Variants in SPATA21 observed in about 807,000 individuals in gnomAD.
SPATA21 encodes the protein spermatogenesis-associated protein 21.
A neutral mutation model predicts 54.8 loss-of-function variants in SPATA21; 47 were observed. The ratio of observed to expected loss-of-function variants is 0.86; its 90% CI spans 0.68 to 1.09. The LOEUF (loss-of-function observed/expected upper bound fraction) is 1.09. Ranked by LOEUF, SPATA21 falls within the 50% of genes least tolerant of loss-of-function variation. The pLI, the probability that SPATA21 is intolerant of heterozygous loss-of-function variation, is 0.00. For synonymous variants in SPATA21, 245 were observed against 235.3 expected (o/e 1.04, Z -0.38); for missense variants, 599 against 596.4 (o/e 1.00, Z -0.05).
At chr1:16,405,185 C>A in intron 7 of SPATA21, 81 bp from the exon 8 acceptor site, 1 of 1,524,418 alleles carries the variant, frequency 6.6e-7, no homozygotes, top group Non-Finnish European at 8.7e-7. Flanking sequence ...CACCCTCCTG[C>A]CAGCCTCCTC....
At chr1:16,407,610 C>A (rs2085684971) in intron 7 of SPATA21, among the ~76,000 whole-genome samples, 1 of 152,038 alleles carries the variant, frequency 6.6e-6, no homozygotes, top group South Asian at 2.1e-4. Flanking sequence ...CAGGTGCCCA[C>A]CACCACACCG....
intron 10 of SPATA21, among the ~76,000 whole-genome samples, chr1:16,403,165 G>A (rs554426668): frequency 1.3e-5 from 2 of 152,134 alleles, no homozygotes; most frequent in African/African-American, 4.8e-5. Context: ...CTGGAGACAC[G>A]TGGAGGCTTT....
At position 16,431,187 on chromosome 1, in the gene SPATA21, A is replaced by C. The variant is rs570471311; in HGVS notation, c.34+151T>G. The C allele has an allele frequency of 2.6e-6, 4 of 1,512,114 alleles. No individual in the cohort carries two copies. The African/African-American group carries it at 5.5e-5, about 21-fold the overall frequency. The allele number at this position is 1,512,114 out of a possible 1,614,324, so 93.7% of individuals were successfully genotyped here. The stretch of plus-strand genomic sequence containing the variant: ...CTGGGGAGGAAGCCTGGGCAGGGGA[A>C]GGGAAAGGTGCCAGCTAGGAGTGAA... On this transcript the variant is annotated intron_variant, in intron 3 of 12. Transcript: ENST00000335496.
At chr1:16,430,090 C>A (rs2086420413) in intron 3 of SPATA21, among the ~76,000 whole-genome samples, 1 of 138,048 alleles carries the variant, frequency 7.2e-6, no homozygotes, top group Admixed American at 7.7e-5. Flanking sequence ...GCACTCCAGC[C>A]TGGGTGACAG....
At chr1:16,416,130 T>G (rs897602324) in intron 5 of SPATA21, among the ~76,000 whole-genome samples, 1 of 152,160 alleles carries the variant, frequency 6.6e-6, no homozygotes, top group Non-Finnish European at 1.5e-5. Flanking sequence ...GTCACACCCA[T>G]CCCTTCATCC....
chr1:16,426,251 A>C (rs1382030260), intron 3 of SPATA21, among the ~76,000 whole-genome samples: 2 of 148,604 alleles, frequency 1.3e-5, no homozygotes, highest in Non-Finnish European at 2.9e-5. Flanking sequence ...ATGCGTATGC[A>C]TACTTATTTA....
Position 16,403,497 on chromosome 1 carries a change from T to C in SPATA21, c.1001+230A>G, listed in dbSNP as rs536234209. Among the ~76,000 whole-genome samples, 1,085 of 149,106 alleles carry C rather than the reference T, an allele frequency of 7.3e-3. 21 individuals are homozygous for C. The highest frequency in any genetic ancestry group is 0.026 in the African/African-American group (1,043 of 40,892). On this transcript the variant is annotated intron_variant, in intron 10 of 12. Transcript: ENST00000335496. ...CTAGTTTTTTTCTTTTTTTTCTTTTTTTTTTTTTTGAGACAGAGTCTCACT... is the reference window on the plus strand; with the variant it reads ...CTAGTTTTTTTCTTTTTTTTCTTTTCTTTTTTTTTGAGACAGAGTCTCACT...
At chr1:16,410,312 C>A (rs910413176) in intron 5 of SPATA21, among the ~76,000 whole-genome samples, 1 of 152,166 alleles carries the variant, frequency 6.6e-6, no homozygotes, top group Non-Finnish European at 1.5e-5. Flanking sequence ...GTGGTGTGAT[C>A]TCAGCTCATT....
intron 10 of SPATA21, among the ~76,000 whole-genome samples, chr1:16,402,246 A>ACTCTTT (rs2085469862): frequency 1.4e-5 from 1 of 73,392 alleles, no homozygotes; most frequent in African/African-American, 5.0e-5. Context: ...CTGAGCTGCC[A>ACTCTTT]TTCTTTTTTT....
intron 2 of SPATA21, among the ~76,000 whole-genome samples, chr1:16,432,114 C>CTTTTTTTTTTTTT (rs35240103): frequency 3.0e-5 from 4 of 133,106 alleles, no homozygotes; most frequent in Non-Finnish European, 3.2e-5. Flanking sequence ...TCTTCTTCTT[C>CTTTTTTTTTTTTT]TTTTTTTTTT....
intron 11 of SPATA21, among the ~76,000 whole-genome samples, chr1:16,400,249 T>G (rs370172222): frequency 6.6e-6 from 1 of 152,278 alleles, no homozygotes; most frequent in East Asian, 1.9e-4. Flanking sequence ...ACTTCTGACC[T>G]CAGGTGATCC....
At chr1:16,404,874 C>G in intron 8 of SPATA21, 93 bp downstream of exon 8, 1 of 1,351,752 alleles carries the variant, frequency 7.4e-7, no homozygotes, top group Non-Finnish European at 9.8e-7. Context: ...AGCACAGGAT[C>G]CTTTAGGTGC....
intron 3 of SPATA21, chr1:16,425,430 T>C: frequency 1.5e-6 from 2 of 1,346,592 alleles, no homozygotes; most frequent in Non-Finnish European, 2.0e-6. Context: ...TACAGATACA[T>C]GCACCAGAAT....
In SPATA21 at chr1:16,437,339, G is replaced by A. The variant is rs1303460902; in HGVS notation, c.-398C>T. 6.6e-6 allele frequency: 1 copy of A among 152,126 alleles called. No individual in the cohort carries two copies. The highest frequency in any genetic ancestry group is 1.9e-4 in the East Asian group (1 of 5,204). The allele number at this position is 152,126 out of a possible 1,614,324, so 9.4% of individuals were successfully genotyped here. On this transcript the variant is annotated 5_prime_UTR_variant, in exon 1 of 13. Transcript: ENST00000335496. ...GCATTTCAGGAATATCCAGCCATGTGGTTAGGGTTTGAGAATAAGGCAAGG... is the reference window on the plus strand; with the variant it reads ...GCATTTCAGGAATATCCAGCCATGTAGTTAGGGTTTGAGAATAAGGCAAGG...
intron 7 of SPATA21, among the ~76,000 whole-genome samples, chr1:16,407,304 C>T (rs1557649784): frequency 2.0e-5 from 3 of 152,130 alleles, no homozygotes; most frequent in Non-Finnish European, 2.9e-5. Flanking sequence ...GCAGGGCAGT[C>T]GGCCCTTCAA....
At chr1:16,427,486 C>A (rs202090675) in intron 3 of SPATA21, among the ~76,000 whole-genome samples, 4 of 152,092 alleles carry the variant, frequency 2.6e-5, no homozygotes. Context: ...AAAACAATTA[C>A]GTGTACATCT....
intron 5 of SPATA21, among the ~76,000 whole-genome samples, chr1:16,412,123 C>T (rs548595759): frequency 1.1e-3 from 161 of 152,298 alleles, no homozygotes; most frequent in African/African-American, 3.6e-3. Context: ...GGCTCCCCCT[C>T]ACTTGTGCTC....
Position 16,410,016 on chromosome 1 carries a change from C to T in SPATA21, c.172G>A (p.Glu58Lys). 6.3e-7 allele frequency: 1 copy of T among 1,575,830 alleles called. No individual in the cohort carries two copies. Among genetic ancestry groups the T allele is most frequent in the Non-Finnish European group, 8.6e-7 (1 of 1,163,600 alleles). ...PEVRDIGERR[E>K]PDRAQQQPQK... is the part of the protein sequence containing the mutation. ...GGCTGCTGCTGCGCACGGTCTGGCT[C>T]CCGCCTCTCTCCAATGTCCCTCACC... is the stretch of plus-strand genomic sequence containing the variant. The change falls in exon 6 of 13, where the codon GAG (glutamate) becomes AAG (lysine). Residue 58 changes from glutamate to lysine, a missense_variant. By Grantham distance (56) the Glu-to-Lys change is moderately conservative. Transcript: ENST00000335496.
At chr1:16,429,147 AT>A (rs776020959) in intron 3 of SPATA21, among the ~76,000 whole-genome samples, 63 of 143,790 alleles carry the variant, frequency 4.4e-4, no homozygotes, top group Middle Eastern at 3.5e-3. Context: ...TTGACTTTTT[AT>A]TTTTTTTTTT....
Sources: allele counts gnomAD v4.1 joint callset (sites outside exome capture counted in the v4.1 genomes callset), GRCh38; gene constraint gnomAD v4.1.1; transcripts MANE v1.5; gene names NCBI Gene and HGNC (gene_info 2026-07-23, HGNC 2026-07-21).